Variants in PIGN observed in about 807,000 individuals in gnomAD.
PIGN encodes the protein phosphatidylinositol glycan anchor biosynthesis class N.
Under a neutral mutation model 125.4 loss-of-function variants are expected in PIGN, and 117 were observed. That is an observed-to-expected ratio of 0.93 (90% CI 0.80 to 1.09). The LOEUF (loss-of-function observed/expected upper bound fraction) is 1.09, where lower values mean the gene tolerates loss of function less well. Ranked by LOEUF, PIGN falls within the 50% of genes least tolerant of loss-of-function variation. The pLI is 0.00. For synonymous variants in PIGN, 392 were observed against 377.8 expected, an observed-to-expected ratio of 1.04 and a Z score of -0.44; for missense variants, 1,075 against 1,094.9, an observed-to-expected ratio of 0.98 and a Z score of 0.26.
downstream of PIGN, among the ~76,000 whole-genome samples, chr18:62,039,358 T>C (rs1418518747): frequency 6.6e-6 from 1 of 152,142 alleles, no homozygotes; most frequent in Non-Finnish European, 1.5e-5. Flanking sequence ...TTTTCACATT[T>C]AATGAACAAA....
chr18:62,139,903 T>G, intron 12 of PIGN, among the ~76,000 whole-genome samples: 1 of 152,180 alleles, frequency 6.6e-6, no homozygotes, highest in East Asian at 1.9e-4. Context: ...ACAAGGCTGG[T>G]TTTCAAGCAC....
intron 30 of PIGN, among the ~76,000 whole-genome samples, chr18:62,054,436 T>G (rs954623252): frequency 6.6e-6 from 1 of 150,400 alleles, no homozygotes. Context: ...AGCTACAGAC[T>G]GGGATAAAAC....
At position 62,054,921 on chromosome 18, in the gene PIGN, T is replaced by C. The variant is rs868726838; in HGVS notation, c.2673-8942A>G. ...AACAGACGTTTCATCAAAGAGGATA[T>C]AAAGTCAGTAAATAAATAGATGAAA... On this transcript the variant is annotated intron_variant, in intron 30 of 30. Transcript: ENST00000640252. Among the ~76,000 whole-genome samples, 18 of 152,214 alleles carry C rather than the reference T, an allele frequency of 1.2e-4. No homozygotes were observed. In the Middle Eastern group the frequency reaches 0.01, roughly 86 times the overall value.
At chr18:62,046,786 A>T (rs1182104118) in intron 30 of PIGN, among the ~76,000 whole-genome samples, 1 of 152,306 alleles carries the variant, frequency 6.6e-6, no homozygotes, top group African/African-American at 2.4e-5. Context: ...TTAAAAAAAT[A>T]TTTTCAACCT....
intron 14 of PIGN, among the ~76,000 whole-genome samples, chr18:62,125,047 A>ATTTGTACATACATGTATATAAATATAC (rs1320418742): frequency 7.3e-6 from 1 of 137,462 alleles, no homozygotes; most frequent in African/African-American, 3.4e-5. Context: ...ATAAATATAC[A>ATTTGTACATACATGTATATAAATATAC]ATTTGTACAT....
chr18:62,065,474 C>G (rs1289246685), intron 30 of PIGN, among the ~76,000 whole-genome samples: 2 of 152,112 alleles, frequency 1.3e-5, no homozygotes, highest in African/African-American at 2.4e-5. Context: ...CGTGGTGGCT[C>G]ACGCCTGTAA....
downstream of PIGN, among the ~76,000 whole-genome samples, chr18:62,037,032 G>A (rs886332231): frequency 1.6e-4 from 25 of 152,178 alleles, no homozygotes; most frequent in Non-Finnish European, 1.5e-5. Flanking sequence ...TGAATTATCT[G>A]CTGATTAATG....
At position 62,044,147 on chromosome 18, in the gene PIGN, T is replaced by G. The variant is rs1271208145; in HGVS notation, c.*1709A>C. 11 of 152,138 alleles carry G rather than the reference T, an allele frequency of 7.2e-5. No homozygotes were observed. In the East Asian group the frequency reaches 2.1e-3, roughly 29 times the overall value. The allele number at this position is 152,138 out of a possible 1,614,324, so 9.4% of individuals were successfully genotyped here. On this transcript the variant is annotated 3_prime_UTR_variant, in exon 31 of 31. Transcript: ENST00000640252. ...TTCAACCTATTCTACAGACTCACAC[T>G]GACCTGAAAGGACAAAATTAAGAAA... is the stretch of plus-strand genomic sequence containing the variant.
At chr18:62,080,499 G>C (rs1309827333) in intron 28 of PIGN, among the ~76,000 whole-genome samples, 1 of 152,142 alleles carries the variant, frequency 6.6e-6, no homozygotes, top group Non-Finnish European at 1.5e-5. Context: ...TGGCCATAGA[G>C]ACATAGTCAG....
intron 14 of PIGN, among the ~76,000 whole-genome samples, chr18:62,119,955 TGCGA>T (rs2035236685): frequency 1.3e-5 from 2 of 151,802 alleles, no homozygotes; most frequent in Admixed American, 6.6e-5. Flanking sequence ...AGAAATAGAA[TGCGA>T]GTCATGATGA....
At position 62,182,670 on chromosome 18, in the gene PIGN, G is replaced by A. The variant is rs183585461; in HGVS notation, c.-236+4174C>T. On this transcript the variant is annotated intron_variant, in intron 1 of 30. Coordinates refer to ENST00000640252, the MANE Select transcript of PIGN (RefSeq NM_176787.5). ...TGATCCATTTCTTGCCATGTAGCCA[G>A]AGTATTACTTGCTTTTCTTTTTTCA... 2.5e-4 allele frequency among the ~76,000 whole-genome samples: 38 copies of A among 152,230 alleles called. 4 individuals are homozygous for A. The highest frequency in any genetic ancestry group is 2.5e-3 in the South Asian group (12 of 4,822).
chr18:62,054,930 T>TA (rs1478783433), intron 30 of PIGN, among the ~76,000 whole-genome samples: 1 of 152,162 alleles, frequency 6.6e-6, no homozygotes, highest in Admixed American at 6.5e-5. Flanking sequence ...ATAAAGTCAG[T>TA]AAATAAATAG....
At chr18:62,050,991 G>T (rs2031233821) in intron 30 of PIGN, among the ~76,000 whole-genome samples, 1 of 151,180 alleles carries the variant, frequency 6.6e-6, no homozygotes, top group Admixed American at 6.6e-5. Flanking sequence ...ATGTTTATAT[G>T]CTGGATTACA....
intron 30 of PIGN, among the ~76,000 whole-genome samples, chr18:62,061,679 G>A (rs1454694892): frequency 6.6e-6 from 1 of 152,134 alleles, no homozygotes; most frequent in Admixed American, 6.5e-5. Context: ...CAGTGCAGGA[G>A]CACAATTCCA....
At chr18:62,050,935 C>G (rs1047516061) in intron 30 of PIGN, among the ~76,000 whole-genome samples, 4 of 151,142 alleles carry the variant, frequency 2.6e-5, no homozygotes, top group South Asian at 2.1e-4. Context: ...TGTCAAAGGC[C>G]TTTTCTGCAT....
chr18:62,118,480 A>C (rs1346377232), intron 14 of PIGN: 1 of 152,136 alleles, frequency 6.6e-6, no homozygotes, highest in Non-Finnish European at 1.5e-5. Context: ...AAAATTCTAC[A>C]AACTGTAACT....
chr18:62,177,927 CT>C (rs2037582288), intron 1 of PIGN, among the ~76,000 whole-genome samples: 1 of 152,130 alleles, frequency 6.6e-6, no homozygotes, highest in Non-Finnish European at 1.5e-5. Context: ...CTGCCTTAGC[CT>C]TCACCTTCTG....
intron 23 of PIGN, among the ~76,000 whole-genome samples, chr18:62,024,617 C>A (rs948587676): frequency 6.6e-6 from 1 of 152,118 alleles, no homozygotes; most frequent in Non-Finnish European, 1.5e-5. Context: ...TGTCAGGGCC[C>A]CCCTTGTTTC....
chr18:62,020,817 C>A (rs2030045302), intron 23 of PIGN, among the ~76,000 whole-genome samples: 1 of 151,242 alleles, frequency 6.6e-6, no homozygotes, highest in East Asian at 1.9e-4. Flanking sequence ...AAAAATTAGC[C>A]GGGCGTGGTA....
Sources: allele counts gnomAD v4.1 joint callset (sites outside exome capture counted in the v4.1 genomes callset), GRCh38; gene constraint gnomAD v4.1.1; transcripts MANE v1.5; gene names NCBI Gene and HGNC (gene_info 2026-07-23, HGNC 2026-07-21).